The following PKN2 variants were observed in gnomAD, a reference collection of about 807,000 sequenced individuals.
PKN2 encodes serine/threonine-protein kinase N2.
Under a neutral mutation model 119.1 loss-of-function variants are expected in PKN2, and 38 were observed. That is an observed-to-expected ratio of 0.32 (90% CI 0.25 to 0.42). PKN2 has a LOEUF of 0.42. Among genes scored for constraint, PKN2 ranks in the 10% least tolerant of loss-of-function variants. The pLI, the probability that PKN2 is intolerant of heterozygous loss-of-function variation, is 1.00. For synonymous variants in PKN2, 390 were observed against 384.9 expected, an observed-to-expected ratio of 1.01 and a Z score of -0.15; for missense variants, 850 against 1,165.1, an observed-to-expected ratio of 0.73 and a Z score of 3.94.
chr1:88,790,336 A>T (rs144245670), intron 8 of PKN2, among the ~76,000 whole-genome samples: 4 of 152,326 alleles, frequency 2.6e-5, no homozygotes, highest in African/African-American at 9.6e-5. Context: ...ATGTCTGAAA[A>T]TATGTATATT....
intron 1 of PKN2, among the ~76,000 whole-genome samples, chr1:88,716,170 ATTTCT>A (rs1473444654): frequency 6.6e-6 from 1 of 152,146 alleles, no homozygotes; most frequent in Non-Finnish European, 1.5e-5. Flanking sequence ...GTTCGTTATG[ATTTCT>A]TTTCTTTTAC....
chr1:88,686,371 T>C (rs576248517), intron 1 of PKN2, among the ~76,000 whole-genome samples: 1 of 152,236 alleles, frequency 6.6e-6, no homozygotes, highest in African/African-American at 2.4e-5. Context: ...ACTGAAAATA[T>C]ATTTTCATGT....
intron 16 of PKN2, among the ~76,000 whole-genome samples, chr1:88,814,489 GCCC>G (rs1671906466): frequency 6.6e-6 from 1 of 152,038 alleles, no homozygotes; most frequent in African/African-American, 2.4e-5. Context: ...TGTGTTTCCA[GCCC>G]CGTCCTCTTA....
In PKN2 at chr1:88,829,453, T is replaced by C. The variant is rs141813459; in HGVS notation, c.2562+830T>C. The C allele has an allele frequency of 9.5e-3, 1,979 of 208,990 alleles. 43 individuals carry two copies. The highest frequency in any genetic ancestry group is 0.091 in the South Asian group (873 of 9,604). 12.9% of individuals were successfully genotyped at this position (208,990 alleles called of 1,614,324 possible). ...TAATTTTAAAAAAATGAAAGAAGTGTTACCTTAAAAAATGGTAGAGTTGAA... is the reference window on the plus strand; with the variant it reads ...TAATTTTAAAAAAATGAAAGAAGTGCTACCTTAAAAAATGGTAGAGTTGAA... On this transcript the variant is annotated intron_variant, in intron 19 of 21. Coordinates refer to ENST00000370521, the MANE Select transcript of PKN2 (RefSeq NM_006256.4).
chr1:88,694,402 A>G (rs1666449631), intron 1 of PKN2, among the ~76,000 whole-genome samples: 1 of 152,056 alleles, frequency 6.6e-6, no homozygotes, highest in Admixed American at 6.6e-5. Flanking sequence ...GGTTTCTTTC[A>G]CTTAGAAATA....
intron 1 of PKN2, among the ~76,000 whole-genome samples, chr1:88,695,778 C>T (rs2100654477): frequency 6.6e-6 from 1 of 152,222 alleles, no homozygotes; most frequent in East Asian, 1.9e-4. Flanking sequence ...TCATGTTTTA[C>T]TCTTTTGCAG....
intron 1 of PKN2, among the ~76,000 whole-genome samples, chr1:88,691,388 T>G (rs1022040672): frequency 2.0e-5 from 3 of 152,182 alleles, no homozygotes; most frequent in African/African-American, 7.2e-5. Context: ...TTTTACACAT[T>G]AATCATACTG....
At chr1:88,770,609 G>A (rs1176305799) in intron 4 of PKN2, 140 bp downstream of exon 4, 25 of 572,742 alleles carry the variant, frequency 4.4e-5, no homozygotes, top group South Asian at 3.0e-4. Flanking sequence ...TTTTTGAGAC[G>A]GAGTCTCGCT....
chr1:88,736,290 A>C (rs305220), intron 1 of PKN2, among the ~76,000 whole-genome samples: 13,756 of 152,148 alleles, frequency 0.09, 976 homozygotes, highest in African/African-American at 0.19. Context: ...ACACATCTCC[A>C]TCACTTTAGG....
intron 1 of PKN2, among the ~76,000 whole-genome samples, chr1:88,730,593 G>A (rs887220128): frequency 1.3e-5 from 2 of 152,224 alleles, no homozygotes; most frequent in Admixed American, 1.3e-4. Flanking sequence ...GGCTGCAGGA[G>A]AGCCTGGTGA....
At chr1:88,787,013 A>T (rs1017199727) in intron 8 of PKN2, among the ~76,000 whole-genome samples, 1 of 151,386 alleles carries the variant, frequency 6.6e-6, no homozygotes, top group African/African-American at 2.4e-5. Context: ...AATCACCAAA[A>T]CATTTTTAAA....
intron 4 of PKN2, among the ~76,000 whole-genome samples, chr1:88,770,887 T>C (rs1669867965): frequency 1.4e-5 from 2 of 145,602 alleles, no homozygotes; most frequent in Non-Finnish European, 3.0e-5. Flanking sequence ...GCCCGGCCCT[T>C]TTTTTTTTTT....
chr1:88,830,034 A>T (rs1204713973), intron 19 of PKN2, among the ~76,000 whole-genome samples: 1 of 152,184 alleles, frequency 6.6e-6, no homozygotes, highest in Non-Finnish European at 1.5e-5. Flanking sequence ...CTTAAATATT[A>T]GTTCATTTAA....
chr1:88,739,415 C>T (rs1321110468), intron 1 of PKN2, among the ~76,000 whole-genome samples: 2 of 152,130 alleles, frequency 1.3e-5, no homozygotes, highest in Non-Finnish European at 2.9e-5. Flanking sequence ...TCCCGTATCA[C>T]CCATAAGCTC....
intron 6 of PKN2, among the ~76,000 whole-genome samples, chr1:88,775,230 C>G (rs1670046102): frequency 6.6e-6 from 1 of 152,124 alleles, no homozygotes; most frequent in Non-Finnish European, 1.5e-5. Flanking sequence ...TCCCAAAGTG[C>G]TAGGATTACA....
rs745908714 is a variant in PKN2, at chr1:88,804,422, G to A, written c.1313G>A (p.Arg438His). ...GAACTGGAAATTTCAGTTTATTGGC[G>A]TGATTGGCGGTCTCTGTGTGCTGTA... ...SRELEISVYW[R>H]DWRSLCAVKF... Residue 438 changes from arginine (R) to histidine (H), a missense_variant, in exon 9 of 22, where the codon CGT (arginine) becomes CAT (histidine). Transcript: ENST00000370521. 1.4e-5 allele frequency: 23 copies of A among 1,611,920 alleles called. No homozygotes were observed. Among genetic ancestry groups the A allele is most frequent in the Non-Finnish European group, 1.9e-5 (22 of 1,179,032 alleles).
chr1:88,813,001 T>TA (rs1276153903), intron 15 of PKN2, among the ~76,000 whole-genome samples: 2 of 152,210 alleles, frequency 1.3e-5, no homozygotes, highest in Non-Finnish European at 2.9e-5. Context: ...TTATTTATAA[T>TA]AGTGCCTTAA....
At chr1:88,688,968 G>A (rs965827496) in intron 1 of PKN2, among the ~76,000 whole-genome samples, 1 of 152,140 alleles carries the variant, frequency 6.6e-6, no homozygotes, top group Non-Finnish European at 1.5e-5. Context: ...AAGTACAAAA[G>A]GGATTTCTAT....
intron 2 of PKN2, among the ~76,000 whole-genome samples, chr1:88,754,812 C>A (rs773708931): frequency 2.6e-5 from 4 of 152,148 alleles, no homozygotes; most frequent in Non-Finnish European, 5.9e-5. Flanking sequence ...GCATTGTCTA[C>A]TGTAACCCAG....
Sources: allele counts gnomAD v4.1 joint callset (sites outside exome capture counted in the v4.1 genomes callset), GRCh38; gene constraint gnomAD v4.1.1; transcripts MANE v1.5; gene names NCBI Gene and HGNC (gene_info 2026-07-23, HGNC 2026-07-21).